RYR1: variants seen among roughly 807,000 people sequenced by gnomAD.
RYR1 encodes the protein central core disease of muscle.
In RYR1, 342 loss-of-function variants were observed where a neutral mutation model predicts 583.5. The ratio of observed to expected loss-of-function variants is 0.59; its 90% CI spans 0.54 to 0.64. The LOEUF (loss-of-function observed/expected upper bound fraction) is 0.64. RYR1 is among the 30% of genes least tolerant of loss of function. RYR1 has a pLI of 0.00. For missense variants in RYR1, 6,032 were observed against 6,917.2 expected, an observed-to-expected ratio of 0.87 and a Z score of 4.54; for synonymous variants, 2,791 against 2,822.5, an observed-to-expected ratio of 0.99 and a Z score of 0.35.
At chr19:38,466,861 C>T (rs1348566995) in intron 24 of RYR1, among the ~76,000 whole-genome samples, 2 of 152,138 alleles carry the variant, frequency 1.3e-5, no homozygotes, top group South Asian at 2.1e-4. Flanking sequence ...GGACTGACCC[C>T]TCCCCGAAAC....
intron 88 of RYR1, 117 bp from the exon 89 acceptor site, chr19:38,548,116 T>C (rs1413287730): frequency 2.7e-6 from 3 of 1,127,666 alleles, no homozygotes; most frequent in Non-Finnish European, 3.9e-6. Flanking sequence ...GGGGAGGCTG[T>C]GGCTGGCCAG....
chr19:38,580,316 G>GT, intron 100 of RYR1, 54 bp from the exon 101 acceptor site: 1 of 1,584,614 alleles, frequency 6.3e-7, no homozygotes, highest in South Asian at 1.1e-5. Context: ...CATGGGCAGG[G>GT]TGGGGGGAGG....
intron 15 of RYR1, 25 bp from the exon 16 acceptor site, chr19:38,455,608 C>T (rs1242197530): frequency 2.5e-6 from 4 of 1,610,144 alleles, no homozygotes; most frequent in East Asian, 2.2e-5. Flanking sequence ...GGCCGCTTCA[C>T]CTCTCATTCT....
chr19:38,499,983 C>A lies in RYR1; in HGVS notation c.7290C>A (p.Ile2430=). 18 of 1,614,150 alleles carry A rather than the reference C, an allele frequency of 1.1e-5. No homozygotes were observed. The highest frequency in any genetic ancestry group is 1.4e-5 in the Non-Finnish European group (16 of 1,180,000). Reference sequence around the variant, plus strand: ...TCATGTCCTTCTATGCCGCCTTGATCGACCTGCTCGGACGCTGTGCACCAG... The same window carrying A: ...TCATGTCCTTCTATGCCGCCTTGATAGACCTGCTCGGACGCTGTGCACCAG... ...HAIMSFYAAL[I]DLLGRCAPEM... The change falls in exon 45 of 106, where the codon ATC becomes ATA. Residue 2430 remains isoleucine, a synonymous_variant. Coordinates refer to ENST00000359596, the MANE Select transcript of RYR1 (RefSeq NM_000540.3). This position sits in a 1 kb window ranked among gnomAD's most constrained non-coding sequence, Gnocchi z 7.3.
At chr19:38,493,477 C>T (rs1241701796) in intron 38 of RYR1, among the ~76,000 whole-genome samples, 2 of 151,856 alleles carry the variant, frequency 1.3e-5, no homozygotes, top group African/African-American at 4.8e-5. Context: ...AAAGTCAAAG[C>T]CCCTGCCCAC....
At chr19:38,562,925 C>T (rs1568578898) in intron 90 of RYR1, among the ~76,000 whole-genome samples, 1 of 152,184 alleles carries the variant, frequency 6.6e-6, no homozygotes, top group African/African-American at 2.4e-5. Context: ...ATCTGTGCCC[C>T]TCGGGGCCCC....
chr19:38,534,280 G>A (rs568126690), intron 78 of RYR1, among the ~76,000 whole-genome samples: 1 of 151,952 alleles, frequency 6.6e-6, no homozygotes, highest in Non-Finnish European at 1.5e-5. Flanking sequence ...CAAAGTGCTG[G>A]GATTACAGAT....
rs2145589141 is a variant in RYR1 at position 38,496,976 on chromosome 19, C to T, written c.6891+22C>T. On this transcript the variant is annotated intron_variant, in intron 42 of 105. Coordinates refer to ENST00000359596, the MANE Select transcript of RYR1 (RefSeq NM_000540.3). The surrounding 1 kb of genome is among the most constrained non-coding windows in gnomAD (Gnocchi z 4.8). The stretch of plus-strand genomic sequence containing the variant: ...AAAGGTGTGGAGGGCAGGGCTGGGC[C>T]CCAGGCCTAAGGGAGGAAATCGGGC... The T allele has an allele frequency of 1.9e-6, 3 of 1,605,634 alleles. No homozygotes were observed. Among genetic ancestry groups the T allele is most frequent in the South Asian group, 1.1e-5 (1 of 90,860 alleles).
In RYR1 at chr19:38,442,435, G is replaced by A. The variant is rs755823812; in HGVS notation, c.252G>A (p.Thr84=). ...VRALQEMLAN[T]VEAGVESSQG... ...CCCTGCAGGAGATGCTGGCTAACAC[G>A]GTGGAGGCTGGCGTGGAGGTGAGGA... is the stretch of plus-strand genomic sequence containing the variant. The change falls in exon 3 of 106, where the codon ACG becomes ACA. Residue 84 remains threonine, a synonymous_variant. Coordinates refer to ENST00000359596, the MANE Select transcript of RYR1 (RefSeq NM_000540.3). 7.4e-5 allele frequency: 119 copies of A among 1,613,328 alleles called. No individual in the cohort carries two copies. Among genetic ancestry groups the A allele is most frequent in the Middle Eastern group, 1.6e-4 (1 of 6,066 alleles).
Position 38,455,235 on chromosome 19 carries a change from G to C in RYR1, c.1441G>C (p.Gly481Arg). The C allele has an allele frequency of 1.9e-6, 3 of 1,614,020 alleles. No individual in the cohort carries two copies. The highest frequency in any genetic ancestry group is 2.5e-6 in the Non-Finnish European group (3 of 1,179,962). Reference protein sequence around the residue: ...RNRQSLFQEEGMLSMVLNCID... With the variant: ...RNRQSLFQEERMLSMVLNCID... ...ATGCCTCTTATTTTCCTCATCCTAG[G>C]GGATGCTCTCCATGGTCCTGAATTG... is the stretch of plus-strand genomic sequence containing the variant. The change falls in exon 14 of 106, where the codon GGG (glycine) becomes CGG (arginine). Residue 481 changes from glycine (G) to arginine (R), a missense_variant and splice_region_variant. This residue lies in a region of RYR1 where 2,627 missense variants were observed against 2,961.3 expected (regional missense o/e 0.89). Coordinates refer to ENST00000359596, the MANE Select transcript of RYR1 (RefSeq NM_000540.3).
chr19:38,565,310 C>T lies in RYR1; in HGVS notation c.12976C>T (p.Arg4326Cys), dbSNP rs2145845063. 5.3e-6 allele frequency: 6 copies of T among 1,126,106 alleles called. No homozygotes were observed. The highest frequency in any genetic ancestry group is 6.5e-6 in the Non-Finnish European group (6 of 921,284). 69.8% of individuals were successfully genotyped at this position (1,126,106 alleles called of 1,614,324 possible). Reference sequence around the variant, plus strand: ...GCGGCGGCTGCGGCGGCTTACGGCCCGCGAGGCGGCCACCGCAGTGGCGGC... The same window carrying T: ...GCGGCGGCTGCGGCGGCTTACGGCCTGCGAGGCGGCCACCGCAGTGGCGGC... ...RVRRLRRLTA[R>C]EAATAVAALL... Residue 4326 changes from arginine to cysteine, a missense_variant, in exon 91 of 106, where the codon CGC becomes TGC. Physicochemically the swap from Arg to Cys is radical, Grantham distance 180 (BLOSUM62 -3). Around this residue, in one of 11 missense-constraint regions of RYR1, gnomAD observed 753 missense variants for 759.6 expected, o/e 0.99. Transcript: ENST00000359596. The surrounding 1 kb of genome is among the most constrained non-coding windows in gnomAD (Gnocchi z 4.7).
At position 38,473,572 on chromosome 19, in the gene RYR1, G is replaced by A. The variant is rs1568469863; in HGVS notation, c.3961G>A (p.Glu1321Lys). The A allele has an allele frequency of 1.9e-6, 3 of 1,598,658 alleles. No homozygotes were observed. The highest frequency in any genetic ancestry group is 2.3e-5 in the East Asian group (1 of 44,210). Residue 1321 changes from glutamate (E) to lysine (K), a missense_variant, in exon 28 of 106, where the codon GAG (glutamate) becomes AAG (lysine). Transcript: ENST00000359596. Reference sequence around the variant, plus strand: ...TGGCCTGCAGCCCCCCGCCGAGGACGAGGCCCGGGCGGCGGAACCCGACCC... The same window carrying A: ...TGGCCTGCAGCCCCCCGCCGAGGACAAGGCCCGGGCGGCGGAACCCGACCC... Reference protein sequence around the residue: ...PPGLQPPAEDEARAAEPDPDY... With the variant: ...PPGLQPPAEDKARAAEPDPDY...
intron 34 of RYR1, among the ~76,000 whole-genome samples, chr19:38,487,411 T>C (rs1365710805): frequency 1.3e-5 from 2 of 151,212 alleles, no homozygotes; most frequent in Non-Finnish European, 3.0e-5. Flanking sequence ...AAGAGTGCAG[T>C]GGAGCAATCT....
Position 38,499,704 on chromosome 19 carries a change from C to A in RYR1, c.7097C>A (p.Pro2366His). ...ATCCGGAAGCCTGAGTGCTTCGGAC[C>A]CGCCCTGCGGGGTGAGGGTGGCTCA... ...LLIRKPECFG[P>H]ALRGEGGSGL... The change falls in exon 44 of 106, where the codon CCC becomes CAC. Residue 2366 changes from proline to histidine, a missense_variant. By Grantham distance (77) the Pro-to-His change is moderately conservative. Transcript: ENST00000359596. This position sits in a 1 kb window ranked among gnomAD's most constrained non-coding sequence, Gnocchi z 7.3. 1.2e-6 allele frequency: 2 copies of A among 1,601,196 alleles called. No individual in the cohort carries two copies. Among genetic ancestry groups the A allele is most frequent in the South Asian group, 2.2e-5 (2 of 90,856 alleles).
intron 51 of RYR1, 27 bp from the exon 52 acceptor site, chr19:38,504,976 C>T: frequency 6.2e-7 from 1 of 1,614,080 alleles, no homozygotes; most frequent in Non-Finnish European, 8.5e-7. Context: ...CCAGCTCCAA[C>T]ATCTGCTGAC....
Position 38,486,045 on chromosome 19 carries a change from GC to G in RYR1, c.5392del (p.Leu1798SerfsTer15). 1 of 1,612,720 alleles carries G rather than the reference GC, an allele frequency of 6.2e-7. No homozygotes were observed. Among genetic ancestry groups the G allele is most frequent in the Non-Finnish European group, 8.5e-7 (1 of 1,179,514 alleles). On this transcript the variant is annotated frameshift_variant, in exon 34 of 106. Coordinates refer to ENST00000359596, the MANE Select transcript of RYR1 (RefSeq NM_000540.3). LOFTEE classifies it high-confidence loss of function. Reference sequence around the variant, plus strand: ...GCTGGGGCAGCAGAGGCCCCGGCCCGCCTCAGCCCTGCCATCCCGCTGGAGG... The same window carrying G: ...GCTGGGGCAGCAGAGGCCCCGGCCCGCTCAGCCCTGCCATCCCGCTGGAGG... ...PAAGAAEAPA[R>X]LSPAIPLEAL...
At chr19:38,545,285 G>A (rs1286261868) in intron 87 of RYR1, among the ~76,000 whole-genome samples, 2 of 152,186 alleles carry the variant, frequency 1.3e-5, no homozygotes, top group African/African-American at 2.4e-5. Context: ...GTAAAGAGAG[G>A]AGGGGGACTG....
intron 104 of RYR1, 27 bp downstream of exon 104, chr19:38,586,218 AGG>A (rs1568613595): frequency 6.3e-7 from 1 of 1,599,494 alleles, no homozygotes; most frequent in Non-Finnish European, 8.5e-7. Flanking sequence ...GCCAGTCAGG[AGG>A]GTGGGGGGCA....
In RYR1 at chr19:38,528,295, C is replaced by A. The variant is rs201114660; in HGVS notation, c.10825-11C>A. On this transcript the variant is annotated splice_polypyrimidine_tract_variant and intron_variant, in intron 73 of 105. Transcript: ENST00000359596. ...TCTGGGGATGTGACTGTCCTGCTAT[C>A]CCCTCCCCAGACCGAGCACCCTTAC... is the stretch of plus-strand genomic sequence containing the variant. The A allele has an allele frequency of 7.8e-5, 126 of 1,612,080 alleles. No homozygotes were observed. The East Asian group carries it at 2.6e-3, about 33-fold the overall frequency.
Sources: gnomAD v4.1 joint callset for allele counts (sites outside exome capture counted in the v4.1 genomes callset) on GRCh38, gnomAD v4.1.1 for gene constraint, gnomAD v4.1.1 regional missense constraint, Gnocchi (gnomAD v3.1) non-coding constraint, MANE v1.5 for transcripts, NCBI Gene and HGNC (gene_info 2026-07-23, HGNC 2026-07-21) for gene names.